The following SERPINB5 variants were observed in gnomAD, a reference collection of about 807,000 sequenced individuals.
The protein encoded by SERPINB5 is serpin family B member 5.
In SERPINB5, 27 loss-of-function variants were observed where a neutral mutation model predicts 32.2. The observed-to-expected ratio is 0.84, with a 90% CI of 0.62 to 1.16. The LOEUF (loss-of-function observed/expected upper bound fraction) is 1.16. Among genes scored for constraint, SERPINB5 ranks in the 50% most tolerant of loss-of-function variants. SERPINB5 has a pLI of 0.00. For synonymous variants in SERPINB5, 154 were observed against 157.4 expected (o/e 0.98, Z 0.16); for missense variants, 388 against 436.3 (o/e 0.89, Z 0.99).
intron 2 of SERPINB5, among the ~76,000 whole-genome samples, 158 bp downstream of exon 2, chr18:63,484,754 T>TTTTC (rs1336775690): frequency 7.1e-6 from 1 of 139,976 alleles, no homozygotes; most frequent in African/African-American, 2.6e-5. Context: ...TTTTTTTTTT[T>TTTTC]TTTTTTTTTG....
intron 4 of SERPINB5, 49 bp downstream of exon 4, chr18:63,489,513 C>A: frequency 9.9e-7 from 1 of 1,006,896 alleles, no homozygotes; most frequent in Non-Finnish European, 1.5e-6. Flanking sequence ...TAAACAGGGC[C>A]TTCCATCTCA....
At position 63,484,606 on chromosome 18, in the gene SERPINB5, A is replaced by G. The variant is rs1162972144; in HGVS notation, c.168+10A>G. 1 of 1,607,796 alleles carries G rather than the reference A, an allele frequency of 6.2e-7. No homozygotes were observed. The stretch of plus-strand genomic sequence containing the variant: ...AAATGAAATTGGACAGGTAAGCCCC[A>G]AAACCTTGTTTCTACTTTAAGTGGG... On this transcript the variant is annotated intron_variant, in intron 2 of 6. Coordinates refer to ENST00000382771, the MANE Select transcript of SERPINB5 (RefSeq NM_002639.5).
chr18:63,490,856 G>A (rs1374345411), intron 4 of SERPINB5: 1 of 152,132 alleles, frequency 6.6e-6, no homozygotes, highest in Non-Finnish European at 1.5e-5. Context: ...AGGTTTTGGG[G>A]AACAGGTGGT....
At chr18:63,496,654 G>A (rs981601818) in intron 5 of SERPINB5, among the ~76,000 whole-genome samples, 1 of 152,200 alleles carries the variant, frequency 6.6e-6, no homozygotes, top group Non-Finnish European at 1.5e-5. Flanking sequence ...CCAGATGCAA[G>A]TTTACTGGAG....
At chr18:63,481,952 G>A (rs1917133162) in intron 1 of SERPINB5, among the ~76,000 whole-genome samples, 1 of 152,188 alleles carries the variant, frequency 6.6e-6, no homozygotes, top group Admixed American at 6.5e-5. Flanking sequence ...GACTTCAGGG[G>A]GCCTCGTGGT....
intron 4 of SERPINB5, among the ~76,000 whole-genome samples, chr18:63,490,097 CAGG>C (rs947079637): frequency 6.6e-6 from 1 of 152,126 alleles, no homozygotes; most frequent in Non-Finnish European, 1.5e-5. Flanking sequence ...GAGGCTGAGA[CAGG>C]AGAATGGCGT....
At position 63,503,633 on chromosome 18, in the gene SERPINB5, G is replaced by A; in HGVS notation, c.1039G>A (p.Glu347Lys). 2 of 1,614,194 alleles carry A rather than the reference G, an allele frequency of 1.2e-6. No individual in the cohort carries two copies. Among genetic ancestry groups the A allele is most frequent in the Middle Eastern group, 1.6e-4 (1 of 6,062 alleles). The change falls in exon 7 of 7, where the codon GAA (glutamate) becomes AAA (lysine). Residue 347 changes from glutamate to lysine, a missense_variant. Glu to Lys is a moderately conservative substitution (Grantham distance 56). Transcript: ENST00000382771. ...PGARILQHKD[E>K]LNADHPFIYI... is the part of the protein sequence containing the mutation. ...AGCACGGATCCTGCAGCACAAGGATGAATTGAATGCTGACCATCCCTTTAT... is the reference window on the plus strand; with the variant it reads ...AGCACGGATCCTGCAGCACAAGGATAAATTGAATGCTGACCATCCCTTTAT...
intron 5 of SERPINB5, 73 bp from the exon 6 acceptor site, chr18:63,499,047 G>GTGTGTATATATATATATATATA (rs376117295): frequency 2.3e-6 from 1 of 433,714 alleles, no homozygotes; most frequent in African/African-American, 2.1e-5. Context: ...GCGCGTGTGT[G>GTGTGTATATATATATATATATA]TATATATATA....
At chr18:63,494,341 A>G (rs1438627560) in intron 5 of SERPINB5, among the ~76,000 whole-genome samples, 1 of 151,634 alleles carries the variant, frequency 6.6e-6, no homozygotes, top group African/African-American at 2.4e-5. Context: ...AAAAAAAAAA[A>G]AAAAGAAATG....
rs972372220 is a variant in SERPINB5, at chr18:63,496,625, A to G, written c.568-2495A>G. Among the ~76,000 whole-genome samples, 4 of 152,382 alleles carry G rather than the reference A, an allele frequency of 2.6e-5. No homozygotes were observed. In the East Asian group the frequency reaches 7.7e-4, roughly 29 times the overall value. On this transcript the variant is annotated intron_variant, in intron 5 of 6. Transcript: ENST00000382771. Reference sequence around the variant, plus strand: ...TGGAGAGAGGTATTGGGGAAGGTTCAGCTTAGTATTTGAAGATACCAGATG... The same window carrying G: ...TGGAGAGAGGTATTGGGGAAGGTTCGGCTTAGTATTTGAAGATACCAGATG...
chr18:63,494,874 G>A (rs1167109006), intron 5 of SERPINB5, among the ~76,000 whole-genome samples: 4 of 152,136 alleles, frequency 2.6e-5, no homozygotes, highest in Non-Finnish European at 5.9e-5. Context: ...ACAATTTCTG[G>A]CCAAGTCCCT....
chr18:63,495,832 T>C (rs750643625), intron 5 of SERPINB5, among the ~76,000 whole-genome samples: 5 of 152,224 alleles, frequency 3.3e-5, no homozygotes, highest in Middle Eastern at 3.2e-3. Context: ...TAAAATGCTA[T>C]TCACAGCTGC....
At chr18:63,497,499 G>GAAAAAA (rs60323388) in intron 5 of SERPINB5, 15 of 223,692 alleles carry the variant, frequency 6.7e-5, no homozygotes, top group African/African-American at 2.0e-4. Context: ...CAACGTTTCT[G>GAAAAAA]AAAAAAAAAA....
At chr18:63,494,321 CAAAAAAAAAA>C (rs372412366) in intron 5 of SERPINB5, among the ~76,000 whole-genome samples, 1 of 46,688 alleles carries the variant, frequency 2.1e-5, no homozygotes, top group Non-Finnish European at 3.8e-5. Flanking sequence ...GACTCCATCT[CAAAAAAAAAA>C]AAAAAAAAAA....
At chr18:63,497,383 A>T (rs1909471374) in intron 5 of SERPINB5, 3 of 1,261,768 alleles carry the variant, frequency 2.4e-6, no homozygotes, top group Non-Finnish European at 3.4e-6. Context: ...CGCCTTCCTT[A>T]TCCTCTTCGC....
intron 1 of SERPINB5, among the ~76,000 whole-genome samples, chr18:63,478,097 C>T (rs1917065752): frequency 6.6e-6 from 1 of 152,190 alleles, no homozygotes; most frequent in African/African-American, 2.4e-5. Flanking sequence ...TGAGTTCCTT[C>T]ATGGGTGGAG....
At chr18:63,499,521 G>A (rs1367561571) in intron 6 of SERPINB5, among the ~76,000 whole-genome samples, 1 of 152,156 alleles carries the variant, frequency 6.6e-6, no homozygotes, top group Admixed American at 6.5e-5. Context: ...AGTTGCCTAC[G>A]TGCATTATCT....
At chr18:63,481,279 C>T (rs528372059) in intron 1 of SERPINB5, among the ~76,000 whole-genome samples, 1 of 152,288 alleles carries the variant, frequency 6.6e-6, no homozygotes, top group Admixed American at 6.5e-5. Flanking sequence ...GTAAAATGAA[C>T]ATCTCCTCAC....
At chr18:63,481,768 G>A (rs767621560) in intron 1 of SERPINB5, among the ~76,000 whole-genome samples, 3 of 152,198 alleles carry the variant, frequency 2.0e-5, no homozygotes, top group African/African-American at 4.8e-5. Flanking sequence ...GGCACACTGG[G>A]TGAAACACTC....
Sources: gnomAD v4.1 joint callset for allele counts (sites outside exome capture counted in the v4.1 genomes callset) on GRCh38, gnomAD v4.1.1 for gene constraint, MANE v1.5 for transcripts, NCBI Gene and HGNC (gene_info 2026-07-23, HGNC 2026-07-21) for gene names.